Variants in THSD4 observed in about 807,000 individuals in gnomAD.
THSD4 encodes the protein thrombospondin type 1 domain containing 4.
Under a neutral mutation model 119.0 loss-of-function variants are expected in THSD4, and 69 were observed. The ratio of observed to expected loss-of-function variants is 0.58; its 90% CI spans 0.48 to 0.71. The LOEUF (loss-of-function observed/expected upper bound fraction) is 0.71, where lower values mean the gene tolerates loss of function less well. THSD4 is among the 30% of genes least tolerant of loss of function. The pLI is 0.00. For missense variants in THSD4, 1,393 were observed against 1,391.1 expected, an observed-to-expected ratio of 1.00 and a Z score of -0.02; for synonymous variants, 524 against 540.4, an observed-to-expected ratio of 0.97 and a Z score of 0.42.
intron 8 of THSD4, among the ~76,000 whole-genome samples, chr15:71,683,283 C>T (rs2051834573): frequency 6.6e-6 from 1 of 151,866 alleles, no homozygotes; most frequent in African/African-American, 2.4e-5. Flanking sequence ...ATTTTTGAAA[C>T]CATTTTGTCA....
chr15:71,403,505 A>G (rs760190955), intron 6 of THSD4, among the ~76,000 whole-genome samples: 2 of 152,110 alleles, frequency 1.3e-5, no homozygotes, highest in Non-Finnish European at 2.9e-5. Context: ...TGTAACCTTC[A>G]TGAGGGTTTA....
chr15:71,252,930 A>G (rs561068447), intron 5 of THSD4, among the ~76,000 whole-genome samples: 1 of 152,250 alleles, frequency 6.6e-6, no homozygotes, highest in East Asian at 1.9e-4. Flanking sequence ...CCTGTACCAC[A>G]ATGCTGCCTC....
At chr15:71,126,382 G>A (rs1306049855) in intron 1 of THSD4, among the ~76,000 whole-genome samples, 1 of 152,160 alleles carries the variant, frequency 6.6e-6, no homozygotes, top group African/African-American at 2.4e-5. Flanking sequence ...TCCCCCTCGG[G>A]TGTTACTAGA....
intron 2 of THSD4, among the ~76,000 whole-genome samples, chr15:71,148,773 G>A (rs1210910898): frequency 6.6e-6 from 1 of 152,170 alleles, no homozygotes; most frequent in African/African-American, 2.4e-5. Flanking sequence ...ATGAGGCCCC[G>A]CAGCACAGTG....
At chr15:71,731,367 G>C in intron 10 of THSD4, 150 bp downstream of exon 10, 1 of 703,668 alleles carries the variant, frequency 1.4e-6, no homozygotes, top group South Asian at 1.8e-5. Context: ...CCTTGACATT[G>C]GAGCAGGCTT....
intron 8 of THSD4, among the ~76,000 whole-genome samples, chr15:71,663,986 C>CT (rs899701551): frequency 3.3e-4 from 48 of 146,904 alleles, no homozygotes; most frequent in Admixed American, 4.1e-4. Flanking sequence ...GATTCCAGAA[C>CT]TTTTTTTTTT....
In THSD4 at chr15:71,395,914, G is replaced by GACACACACACAC. The variant is rs58433075; in HGVS notation, c.1016-15745_1016-15734dup. Among the ~76,000 whole-genome samples, 561 of 133,366 alleles carry GACACACACACAC rather than the reference G, an allele frequency of 4.2e-3. 6 individuals are homozygous for GACACACACACAC. The highest frequency in any genetic ancestry group is 0.015 in the African/African-American group (507 of 34,658). The allele number at this position is 133,366 out of a possible 152,430, so 87.5% of individuals were successfully genotyped here. A position where few individuals can be genotyped will look rare whatever the true frequency, so the allele number is the denominator to read the frequency against. Reference sequence around the variant, plus strand: ...TCTGCTTCTCAGTGTTTTGAAGAGAGACACACACACACACACACACACACA... The same window carrying GACACACACACAC: ...TCTGCTTCTCAGTGTTTTGAAGAGAGACACACACACACACACACACACACACACACACACACA... On this transcript the variant is annotated intron_variant, in intron 6 of 17. Coordinates refer to ENST00000261862, the MANE Select transcript of THSD4 (RefSeq NM_024817.3).
chr15:71,402,514 T>C (rs2046550788), intron 6 of THSD4, among the ~76,000 whole-genome samples: 1 of 152,074 alleles, frequency 6.6e-6, no homozygotes, highest in South Asian at 2.1e-4. Flanking sequence ...GGAGGCAGGA[T>C]TGGACAGAGG....
chr15:71,225,315 G>A (rs2044006988), intron 4 of THSD4, among the ~76,000 whole-genome samples: 1 of 152,066 alleles, frequency 6.6e-6, no homozygotes, highest in Non-Finnish European at 1.5e-5. Flanking sequence ...CAGCTCTTAT[G>A]AATGCTTTGA....
At chr15:71,547,516 T>G in intron 7 of THSD4, 1 of 1,543,170 alleles carries the variant, frequency 6.5e-7, no homozygotes, top group East Asian at 2.5e-5. Flanking sequence ...AGAAGTTGTA[T>G]TTTTTTTCAG....
chr15:71,530,103 ATCT>A (rs942923033), intron 7 of THSD4, among the ~76,000 whole-genome samples: 1 of 152,178 alleles, frequency 6.6e-6, no homozygotes, highest in Non-Finnish European at 1.5e-5. Context: ...CTTCAAAACT[ATCT>A]TCTTCTAATC....
chr15:71,722,887 A>G (rs2052749456), intron 8 of THSD4, among the ~76,000 whole-genome samples: 1 of 152,154 alleles, frequency 6.6e-6, no homozygotes, highest in African/African-American at 2.4e-5. Flanking sequence ...GTGTGCACAA[A>G]CGGGATTATA....
chr15:71,376,457 C>G (rs1185999057), intron 6 of THSD4, among the ~76,000 whole-genome samples: 1 of 152,186 alleles, frequency 6.6e-6, no homozygotes, highest in African/African-American at 2.4e-5. Flanking sequence ...ATAGTTTGCC[C>G]TGTCACTGTT....
At chr15:71,528,380 C>T (rs143934835) in intron 7 of THSD4, among the ~76,000 whole-genome samples, 96 of 152,234 alleles carry the variant, frequency 6.3e-4, no homozygotes, top group African/African-American at 2.1e-3. Context: ...AGGCAACAAC[C>T]CACAGTGGCA....
chr15:71,581,446 T>C (rs1567046770), intron 7 of THSD4, among the ~76,000 whole-genome samples: 1 of 152,210 alleles, frequency 6.6e-6, no homozygotes, highest in African/African-American at 2.4e-5. Context: ...CTTATCAGGA[T>C]ATATGTTTTG....
At chr15:71,636,075 T>G (rs976319629) in intron 7 of THSD4, among the ~76,000 whole-genome samples, 4 of 152,188 alleles carry the variant, frequency 2.6e-5, no homozygotes, top group African/African-American at 9.7e-5. Flanking sequence ...TTCATCCAGA[T>G]TCTGTCATGG....
chr15:71,482,449 C>A (rs935932026), intron 7 of THSD4, among the ~76,000 whole-genome samples: 9 of 151,976 alleles, frequency 5.9e-5, no homozygotes, highest in African/African-American at 1.5e-4. Flanking sequence ...TGCCACCACA[C>A]CCAGCTAATT....
chr15:71,256,692 A>T lies in THSD4; in HGVS notation c.992A>T (p.Tyr331Phe). 1 of 1,613,920 alleles carries T rather than the reference A, an allele frequency of 6.2e-7. No individual in the cohort carries two copies. The highest frequency in any genetic ancestry group is 8.5e-7 in the Non-Finnish European group (1 of 1,179,900). The part of the protein sequence containing the change: ...YNNKPFMGRF[Y>F]EWEPFAEVKG... ...AACAAGCCATTCATGGGCCGGTTTT[A>T]TGAGTGGGAACCATTTGCAGAAGGT... Residue 331 changes from tyrosine to phenylalanine, a missense_variant, in exon 6 of 18, where the codon TAT (tyrosine) becomes TTT (phenylalanine). Coordinates refer to ENST00000261862, the MANE Select transcript of THSD4 (RefSeq NM_024817.3).
chr15:71,717,720 A>G (rs1389300412), intron 8 of THSD4, among the ~76,000 whole-genome samples: 1 of 152,186 alleles, frequency 6.6e-6, no homozygotes, highest in Non-Finnish European at 1.5e-5. Context: ...AGGAGCGGTA[A>G]TGGGGCCATT....
Sources: allele counts gnomAD v4.1 joint callset (sites outside exome capture counted in the v4.1 genomes callset), GRCh38; gene constraint gnomAD v4.1.1; transcripts MANE v1.5; gene names NCBI Gene and HGNC (gene_info 2026-07-23, HGNC 2026-07-21).